LINGO2: variants seen among roughly 807,000 people sequenced by gnomAD.
LINGO2 encodes the protein leucine-rich repeat and immunoglobulin-like domain-containing nogo receptor-interacting protein 2.
LINGO2 carries 14 observed loss-of-function variants against 30.6 expected under a neutral mutation model. The observed-to-expected ratio is 0.46, with a 90% CI of 0.30 to 0.72. The LOEUF (loss-of-function observed/expected upper bound fraction) is 0.72. LINGO2 is among the 30% of genes least tolerant of loss of function. The pLI, the probability that LINGO2 is intolerant of heterozygous loss-of-function variation, is 0.07. For synonymous variants in LINGO2, 317 were observed against 288.5 expected (o/e 1.10, Z -1.00); for missense variants, 729 against 751.7 (o/e 0.97, Z 0.35).
chr9:28,717,061 T>G, the LINGO2 span, among the ~76,000 whole-genome samples: 1 of 151,862 alleles, frequency 6.6e-6, no homozygotes, highest in Non-Finnish European at 1.5e-5. Context: ...AGACAGCAAT[T>G]TTTTTTTCCT....
chr9:29,003,198 G>A, the LINGO2 span, among the ~76,000 whole-genome samples: 2 of 152,014 alleles, frequency 1.3e-5, no homozygotes, highest in Non-Finnish European at 2.9e-5. Flanking sequence ...CTAGCCTCCA[G>A]AACTGTGCAA....
the LINGO2 span, among the ~76,000 whole-genome samples, chr9:28,719,438 T>C: frequency 1.3e-5 from 2 of 152,050 alleles, no homozygotes; most frequent in African/African-American, 4.8e-5. Flanking sequence ...TGTAATCTAT[T>C]GCAGCACTGC....
the LINGO2 span, among the ~76,000 whole-genome samples, chr9:28,844,820 A>G: frequency 1.2e-4 from 18 of 151,866 alleles, no homozygotes; most frequent in African/African-American, 4.1e-4. Flanking sequence ...ACAGTTTGTC[A>G]TTTTGCTGAA....
intron 4 of LINGO2, among the ~76,000 whole-genome samples, chr9:28,092,385 T>C (rs968112258): frequency 6.6e-6 from 1 of 152,124 alleles, no homozygotes; most frequent in Non-Finnish European, 1.5e-5. Context: ...GATGAGTTCA[T>C]GTCCTTTGTA....
chr9:28,574,420 C>T (rs189437624), intron 1 of LINGO2, among the ~76,000 whole-genome samples: 15 of 152,200 alleles, frequency 9.9e-5, no homozygotes, highest in African/African-American at 3.4e-4. Context: ...GTGTGTCATT[C>T]CATCTTGTAA....
the LINGO2 span, among the ~76,000 whole-genome samples, chr9:28,701,248 A>C: frequency 6.6e-6 from 1 of 151,968 alleles, no homozygotes; most frequent in Non-Finnish European, 1.5e-5. Context: ...ATTATATATA[A>C]ATGATCTCCT....
intron 2 of LINGO2, among the ~76,000 whole-genome samples, chr9:28,433,514 T>C (rs1316758581): frequency 6.6e-6 from 1 of 152,022 alleles, no homozygotes; most frequent in Non-Finnish European, 1.5e-5. Context: ...AAAAAACAGA[T>C]TTAAGACATA....
At chr9:28,494,125 A>G (rs892934149) in intron 1 of LINGO2, among the ~76,000 whole-genome samples, 2 of 152,180 alleles carry the variant, frequency 1.3e-5, no homozygotes, top group African/African-American at 2.4e-5. Flanking sequence ...ATATTAACAT[A>G]TATTTGTTTG....
At chr9:28,379,628 G>A (rs1284688970) in intron 2 of LINGO2, among the ~76,000 whole-genome samples, 1 of 152,124 alleles carries the variant, frequency 6.6e-6, no homozygotes. Context: ...GAAATGCGAT[G>A]TGCCTCCCAC....
the LINGO2 span, among the ~76,000 whole-genome samples, chr9:28,998,841 A>G: frequency 1.3e-5 from 2 of 151,986 alleles, no homozygotes; most frequent in Admixed American, 6.6e-5. Flanking sequence ...TCAGGTTACC[A>G]TTATATATAT....
At chr9:28,046,245 CAAG>C (rs201991354) in intron 4 of LINGO2, among the ~76,000 whole-genome samples, 1,645 of 152,264 alleles carry the variant, frequency 0.011, 21 homozygotes, top group Admixed American at 0.019. Flanking sequence ...TACTGTGTGA[CAAG>C]AAGAAGAGTT....
chr9:28,837,076 A>G, the LINGO2 span, among the ~76,000 whole-genome samples: 2 of 152,196 alleles, frequency 1.3e-5, no homozygotes, highest in East Asian at 1.9e-4. Context: ...ATTTTGAACT[A>G]TAAGTTCAGG....
chr9:28,477,996 G>C lies in LINGO2; in HGVS notation c.-364-1971C>G, dbSNP rs77639031. 3.9e-5 allele frequency among the ~76,000 whole-genome samples: 6 copies of C among 152,166 alleles called. No homozygotes were observed. The East Asian group carries it at 5.8e-4, about 15-fold the overall frequency. ...GGACTTTGGGAATCAACCCTGGAAG[G>C]CTCTGAGACTGGATACTTTTCATCC... On this transcript the variant is annotated intron_variant, in intron 1 of 5. Coordinates refer to ENST00000379992, the Ensembl canonical transcript of LINGO2.
chr9:29,110,082 T>C, the LINGO2 span, among the ~76,000 whole-genome samples: 1 of 152,116 alleles, frequency 6.6e-6, no homozygotes, highest in Non-Finnish European at 1.5e-5. Context: ...GAAACAATTC[T>C]CACTTAAAGA....
At chr9:28,144,887 A>G (rs1417745370) in intron 4 of LINGO2, among the ~76,000 whole-genome samples, 1 of 152,254 alleles carries the variant, frequency 6.6e-6, no homozygotes, top group Non-Finnish European at 1.5e-5. Flanking sequence ...TCCCAGTTAC[A>G]AAAACTGGAT....
At chr9:28,221,231 C>T (rs1204473884) in intron 4 of LINGO2, among the ~76,000 whole-genome samples, 3 of 134,034 alleles carry the variant, frequency 2.2e-5, no homozygotes, top group African/African-American at 5.6e-5. Context: ...ACCCAGGAGG[C>T]GGAGCTTGCA....
At chr9:28,399,408 A>G (rs1389382650) in intron 2 of LINGO2, among the ~76,000 whole-genome samples, 1 of 152,198 alleles carries the variant, frequency 6.6e-6, no homozygotes, top group African/African-American at 2.4e-5. Context: ...GAAGTGTTAG[A>G]CTGATTACAT....
At chr9:29,193,200 C>G in the LINGO2 span, among the ~76,000 whole-genome samples, 1 of 152,176 alleles carries the variant, frequency 6.6e-6, no homozygotes, top group East Asian at 1.9e-4. Flanking sequence ...TGTCCCATTA[C>G]CACTGCCTTT....
chr9:29,170,009 AAAC>A, the LINGO2 span, among the ~76,000 whole-genome samples: 159 of 152,112 alleles, frequency 1.0e-3, no homozygotes, highest in Non-Finnish European at 1.7e-3. Context: ...AACAAACAAA[AAAC>A]AACAACAACA....
Sources: allele counts gnomAD v4.1 joint callset (sites outside exome capture counted in the v4.1 genomes callset), GRCh38; gene constraint gnomAD v4.1.1; transcripts MANE v1.5; gene names NCBI Gene and HGNC (gene_info 2026-07-23, HGNC 2026-07-21).